MPP7: variants seen among roughly 807,000 people sequenced by gnomAD.
MPP7 encodes the protein MAGUK p55 scaffold protein 7, also known as MAGUK p55 subfamily member 7.
In MPP7, 60 loss-of-function variants were observed where a neutral mutation model predicts 76.5. The observed-to-expected ratio is 0.78, with a 90% CI of 0.64 to 0.97. MPP7 has a LOEUF of 0.97. Ranked by LOEUF, MPP7 falls within the 50% of genes least tolerant of loss-of-function variation. MPP7 has a pLI of 0.00. For synonymous variants in MPP7, 237 were observed against 244.5 expected (o/e 0.97, Z 0.29); for missense variants, 641 against 694.0 (o/e 0.92, Z 0.86).
At chr10:28,140,008 C>T (rs1835461845) in intron 5 of MPP7, among the ~76,000 whole-genome samples, 1 of 152,100 alleles carries the variant, frequency 6.6e-6, no homozygotes, top group African/African-American at 2.4e-5. Flanking sequence ...GAAACCCAAA[C>T]AACCTCACAA....
chr10:28,124,466 ATTTTTTTT>A (rs5784042), intron 7 of MPP7, among the ~76,000 whole-genome samples: 5 of 80,094 alleles, frequency 6.2e-5, no homozygotes, highest in East Asian at 4.6e-4. Flanking sequence ...AAGAAACAAG[ATTTTTTTT>A]TTTTTTTTTT....
chr10:28,230,803 G>C (rs186946926), intron 2 of MPP7, among the ~76,000 whole-genome samples: 2 of 152,096 alleles, frequency 1.3e-5, no homozygotes, highest in African/African-American at 4.8e-5. Context: ...GAGACAGAGC[G>C]AGAATCCATC....
At chr10:28,151,808 T>C (rs2133782357) in intron 3 of MPP7, among the ~76,000 whole-genome samples, 1 of 152,288 alleles carries the variant, frequency 6.6e-6, no homozygotes, top group Admixed American at 6.5e-5. Context: ...GTGCTGGAGC[T>C]CCTAATCACC....
rs144978808 is a variant in MPP7, at chr10:28,234,114, T to C, written c.37+4454A>G. 1.4e-3 allele frequency among the ~76,000 whole-genome samples: 218 copies of C among 152,284 alleles called. 1 individual carries two copies. The highest frequency in any genetic ancestry group is 5.2e-3 in the African/African-American group (216 of 41,566). Reference sequence around the variant, plus strand: ...GGAACTAGAGCCCCTTAGAGAAATGTCTACTTCTAGGACTGGGGCAGGAAA... The same window carrying C: ...GGAACTAGAGCCCCTTAGAGAAATGCCTACTTCTAGGACTGGGGCAGGAAA... On this transcript the variant is annotated intron_variant, in intron 2 of 16. Coordinates refer to ENST00000683449, the MANE Select transcript of MPP7 (RefSeq NM_001318170.2).
At chr10:28,102,719 G>C (rs1217457945) in intron 11 of MPP7, among the ~76,000 whole-genome samples, 1 of 152,108 alleles carries the variant, frequency 6.6e-6, no homozygotes, top group East Asian at 1.9e-4. Flanking sequence ...CCACTTTGTA[G>C]GGAAATCTCC....
intron 1 of MPP7, among the ~76,000 whole-genome samples, chr10:28,257,251 C>T (rs1839814433): frequency 6.6e-6 from 1 of 152,220 alleles, no homozygotes; most frequent in East Asian, 1.9e-4. Context: ...TATCATTTAT[C>T]TGGTGCCTGG....
intron 6 of MPP7, among the ~76,000 whole-genome samples, chr10:28,130,728 A>G (rs986951906): frequency 6.6e-6 from 1 of 152,230 alleles, no homozygotes; most frequent in Non-Finnish European, 1.5e-5. Context: ...CTGATGTTAA[A>G]TAACAAATTT....
intron 5 of MPP7, among the ~76,000 whole-genome samples, chr10:28,133,765 AC>A (rs1223508325): frequency 6.6e-6 from 1 of 151,906 alleles, no homozygotes; most frequent in East Asian, 1.9e-4. Flanking sequence ...TGCCCTCCAT[AC>A]CCCCCAAAGT....
At chr10:28,157,126 C>T (rs1043934721) in intron 3 of MPP7, among the ~76,000 whole-genome samples, 2 of 152,114 alleles carry the variant, frequency 1.3e-5, no homozygotes, top group African/African-American at 4.8e-5. Flanking sequence ...AGGAGAATCG[C>T]TTGAACCCGA....
At chr10:28,254,260 A>T (rs146450613) in intron 1 of MPP7, among the ~76,000 whole-genome samples, 120 of 152,318 alleles carry the variant, frequency 7.9e-4, no homozygotes, top group African/African-American at 2.7e-3. Flanking sequence ...CTTGTGGTCC[A>T]AGGGCTGTAT....
chr10:28,308,056 C>T (rs61845944), upstream of MPP7, among the ~76,000 whole-genome samples: 4 of 152,212 alleles, frequency 2.6e-5, no homozygotes, highest in Admixed American at 2.6e-4. Context: ...CTCGCTTTCT[C>T]ATTCCCTGCC....
At chr10:28,317,825 A>G (rs1053373546) in intron 2 of MPP7, among the ~76,000 whole-genome samples, 1 of 152,178 alleles carries the variant, frequency 6.6e-6, no homozygotes, top group African/African-American at 2.4e-5. Flanking sequence ...CTAATTAGGA[A>G]AAGGCACTCT....
intron 3 of MPP7, among the ~76,000 whole-genome samples, chr10:28,177,371 G>A (rs1836909102): frequency 6.7e-6 from 1 of 150,234 alleles, no homozygotes; most frequent in South Asian, 2.1e-4. Context: ...TCACGCCACT[G>A]CACTCCAGCC....
chr10:28,174,330 C>A (rs1836787888), intron 3 of MPP7, among the ~76,000 whole-genome samples: 1 of 152,142 alleles, frequency 6.6e-6, no homozygotes, highest in African/African-American at 2.4e-5. Context: ...GCGGACAGAT[C>A]CCTCGTGAAT....
chr10:28,145,054 C>T lies in MPP7; in HGVS notation c.315+2429G>A, dbSNP rs533718618. On this transcript the variant is annotated intron_variant, in intron 5 of 16. Coordinates refer to ENST00000683449, the MANE Select transcript of MPP7 (RefSeq NM_001318170.2). ...TCAGCCTCCCGAGTAGCTGGGATTACAGGCACACACCACCACACCTGGCTA... is the reference window on the plus strand; with the variant it reads ...TCAGCCTCCCGAGTAGCTGGGATTATAGGCACACACCACCACACCTGGCTA... 2.6e-5 allele frequency among the ~76,000 whole-genome samples: 4 copies of T among 152,282 alleles called. No homozygotes were observed. The East Asian group carries it at 7.7e-4, about 29-fold the overall frequency.
chr10:28,181,083 A>G (rs1837042514), intron 3 of MPP7, among the ~76,000 whole-genome samples: 1 of 152,196 alleles, frequency 6.6e-6, no homozygotes, highest in African/African-American at 2.4e-5. Flanking sequence ...CATATACAGA[A>G]GCTTATTAAT....
intron 3 of MPP7, among the ~76,000 whole-genome samples, chr10:28,184,235 ATAT>A (rs921939509): frequency 2.0e-4 from 29 of 148,410 alleles, no homozygotes; most frequent in African/African-American, 5.6e-4. Flanking sequence ...TTATCTTAAC[ATAT>A]TATTATAAAA....
chr10:28,319,115 T>TA, intron 2 of MPP7, among the ~76,000 whole-genome samples: 1 of 152,276 alleles, frequency 6.6e-6, no homozygotes, highest in Admixed American at 6.5e-5. Flanking sequence ...TCAGAAAACT[T>TA]ACAATCATGG....
intron 13 of MPP7, 129 bp from the exon 14 acceptor site, chr10:28,059,872 T>C (rs1201718704): frequency 3.0e-6 from 2 of 660,884 alleles, no homozygotes; most frequent in Non-Finnish European, 5.3e-6. Context: ...AAAAGCAAAT[T>C]AGCTAATAAA....
Sources: gnomAD v4.1 joint callset for allele counts (sites outside exome capture counted in the v4.1 genomes callset) on GRCh38, gnomAD v4.1.1 for gene constraint, MANE v1.5 for transcripts, NCBI Gene and HGNC (gene_info 2026-07-23, HGNC 2026-07-21) for gene names.